KNG1: variants seen among roughly 807,000 people sequenced by gnomAD.
KNG1 encodes kininogen 1.
A neutral mutation model predicts 47.8 loss-of-function variants in KNG1; 23 were observed. The observed-to-expected ratio is 0.48, with a 90% confidence interval of 0.35 to 0.68. The LOEUF is 0.68. Ranked by LOEUF, KNG1 falls within the 30% of genes least tolerant of loss-of-function variation. The pLI is 0.01. For synonymous variants in KNG1, 277 were observed against 277.0 expected (o/e 1.00, Z 0.00); for missense variants, 762 against 790.2 (o/e 0.96, Z 0.43).
In KNG1 at chr3:186,725,130, G is replaced by A. The variant is rs771135886; in HGVS notation, c.434G>A (p.Cys145Tyr). 1 of 1,614,130 alleles carries A rather than the reference G, an allele frequency of 6.2e-7. No homozygotes were observed. Among genetic ancestry groups the A allele is most frequent in the Non-Finnish European group, 8.5e-7 (1 of 1,180,028 alleles). The change falls in exon 4 of 10, where the codon TGT becomes TAT. Residue 145 changes from cysteine to tyrosine, a missense_variant. Transcript: ENST00000644859. ...VVTAQYDCLGCVHPISTQSPD... is the reference protein window; with the variant it reads ...VVTAQYDCLGYVHPISTQSPD... ...ACAGCCCAGTACGACTGCCTCGGCTGTGTGCATCCTATATCAACGCAGAGC... is the reference window on the plus strand; with the variant it reads ...ACAGCCCAGTACGACTGCCTCGGCTATGTGCATCCTATATCAACGCAGAGC...
intron 2 of KNG1, chr3:186,721,668 A>G (rs1288293648): frequency 6.6e-6 from 1 of 152,278 alleles, no homozygotes; most frequent in Non-Finnish European, 1.5e-5. Flanking sequence ...CTGGAACTGA[A>G]TAACATTTTG....
At chr3:186,726,356 T>A (rs1348839459) in intron 4 of KNG1, among the ~76,000 whole-genome samples, 4 of 149,334 alleles carry the variant, frequency 2.7e-5, no homozygotes, top group Non-Finnish European at 5.9e-5. Flanking sequence ...AGTGGTGCCA[T>A]CTTGGTTCAC....
At chr3:186,729,440 G>A (rs925683642) in intron 5 of KNG1, among the ~76,000 whole-genome samples, 6 of 152,152 alleles carry the variant, frequency 3.9e-5, no homozygotes, top group Admixed American at 3.9e-4. Context: ...CTATCAATAG[G>A]TGAATGGATA....
intron 6 of KNG1, 100 bp from the exon 7 acceptor site, chr3:186,732,402 T>C (rs1052082035): frequency 4.5e-6 from 5 of 1,104,932 alleles, no homozygotes; most frequent in Non-Finnish European, 7.0e-6. Context: ...GGCTCCCATG[T>C]AGCCCCTTAT....
intron 7 of KNG1, among the ~76,000 whole-genome samples, chr3:186,735,019 T>C (rs2108632436): frequency 6.6e-6 from 1 of 152,352 alleles, no homozygotes; most frequent in Non-Finnish European, 1.5e-5. Context: ...CACTTGTTTC[T>C]ATCCCAGACA....
intron 7 of KNG1, chr3:186,736,744 C>G (rs1560068577): frequency 6.6e-6 from 1 of 152,204 alleles, no homozygotes; most frequent in Non-Finnish European, 1.5e-5. Flanking sequence ...ACATTCACAT[C>G]ACCTGGGTAT....
chr3:186,718,736 G>A (rs1191828067), intron 1 of KNG1, among the ~76,000 whole-genome samples: 1 of 152,084 alleles, frequency 6.6e-6, no homozygotes, highest in Non-Finnish European at 1.5e-5. Context: ...GTACTTCATG[G>A]GGCATGTCTA....
rs982860536 is a variant in KNG1 at position 186,741,411 on chromosome 3, A to G, written c.1126-111A>G. Reference sequence around the variant, plus strand: ...TAATATAGCATTTAAAATCTGGCAAACACCTCCCCCATTGTAAACTAAGAT... The same window carrying G: ...TAATATAGCATTTAAAATCTGGCAAGCACCTCCCCCATTGTAAACTAAGAT... On this transcript the variant is annotated intron_variant, in intron 9 of 9. Coordinates refer to ENST00000644859, the MANE Select transcript of KNG1 (RefSeq NM_001102416.3). 3.2e-6 allele frequency: 3 copies of G among 946,218 alleles called. No individual in the cohort carries two copies. The African/African-American group carries it at 5.0e-5, about 16-fold the overall frequency. 58.6% of individuals were successfully genotyped at this position (946,218 alleles called of 1,614,324 possible).
At chr3:186,740,159 C>T (rs894884773) in intron 9 of KNG1, among the ~76,000 whole-genome samples, 1 of 152,084 alleles carries the variant, frequency 6.6e-6, no homozygotes, top group African/African-American at 2.4e-5. Context: ...GTTTGAAAAG[C>T]ATTCGTTGAT....
At chr3:186,717,771 G>A in intron 1 of KNG1, 34 bp downstream of exon 1, 1 of 1,535,400 alleles carries the variant, frequency 6.5e-7, no homozygotes, top group Non-Finnish European at 9.0e-7. Flanking sequence ...GAAGTCACTT[G>A]GGATTTGTAC....
intron 7 of KNG1, among the ~76,000 whole-genome samples, chr3:186,733,242 C>CTAAATAAA (rs10576660): frequency 1.3e-3 from 195 of 150,402 alleles, no homozygotes; most frequent in African/African-American, 4.0e-3. Context: ...GAGACTCTGT[C>CTAAATAAA]TAAATAAATA....
intron 9 of KNG1, among the ~76,000 whole-genome samples, chr3:186,740,253 A>G (rs906345060): frequency 2.0e-5 from 3 of 152,196 alleles, no homozygotes; most frequent in Non-Finnish European, 2.9e-5. Flanking sequence ...ACTAAAAATT[A>G]GAAAGACTCT....
At chr3:186,740,708 G>A (rs1039729980) in intron 9 of KNG1, among the ~76,000 whole-genome samples, 1 of 152,168 alleles carries the variant, frequency 6.6e-6, no homozygotes, top group Non-Finnish European at 1.5e-5. Flanking sequence ...TCAAGCTTGC[G>A]AATATGTCCT....
Position 186,741,562 on chromosome 3 carries a change from G to T in KNG1, c.1166G>T (p.Arg389Leu). 1 of 1,610,134 alleles carries T rather than the reference G, an allele frequency of 6.2e-7. No homozygotes were observed. Among genetic ancestry groups the T allele is most frequent in the South Asian group, 1.1e-5 (1 of 90,484 alleles). ...MKRPPGFSPF[R>L]SSRIGEIKEE... is the part of the protein sequence containing the mutation. ...AGGCCTCCAGGTTTTTCACCTTTCCGATCATCACGAATAGGGGAAATAAAA... is the reference window on the plus strand; with the variant it reads ...AGGCCTCCAGGTTTTTCACCTTTCCTATCATCACGAATAGGGGAAATAAAA... The change falls in exon 10 of 10, where the codon CGA becomes CTA. Residue 389 changes from arginine to leucine, a missense_variant. Arg to Leu is a moderately radical substitution (Grantham distance 102). Transcript: ENST00000644859.
intron 1 of KNG1, 48 bp from the exon 2 acceptor site, chr3:186,720,057 C>A: frequency 8.4e-7 from 1 of 1,185,978 alleles, no homozygotes. Flanking sequence ...GAATTATTTG[C>A]TGTTGGGTCA....
intron 9 of KNG1, among the ~76,000 whole-genome samples, chr3:186,739,902 A>G (rs1720764165): frequency 6.6e-6 from 1 of 152,066 alleles, no homozygotes. Flanking sequence ...AAATACAACA[A>G]TTAGCTGGGT....
chr3:186,740,710 AT>A lies in KNG1; in HGVS notation c.1126-811del, dbSNP rs1290597477. ...CTCAGGTTGCATTTCAAGCTTGCGA[AT>A]ATGTCCTAATGTGCTTCAGCACAAC... On this transcript the variant is annotated intron_variant, in intron 9 of 9. Transcript: ENST00000644859. Among the ~76,000 whole-genome samples the A allele has an allele frequency of 1.5e-4, 23 of 152,340 alleles. No individual in the cohort carries two copies. In the East Asian group the frequency reaches 1.5e-3, roughly 10 times the overall value.
chr3:186,720,540 G>A, intron 2 of KNG1: 4 of 341,078 alleles, frequency 1.2e-5, no homozygotes, highest in Non-Finnish European at 2.3e-5. Context: ...GAGGGGGTGG[G>A]TGCTTCCATT....
chr3:186,743,575 T>C lies in KNG1; in HGVS notation c.*1244T>C, dbSNP rs533256255. 1.3e-5 allele frequency: 9 copies of C among 705,062 alleles called. No homozygotes were observed. The highest frequency in any genetic ancestry group is 5.4e-5 in the East Asian group (2 of 36,814). The allele number at this position is 705,062 out of a possible 1,614,324, so 43.7% of individuals were successfully genotyped here. On this transcript the variant is annotated 3_prime_UTR_variant, in exon 10 of 10. Coordinates refer to ENST00000644859, the MANE Select transcript of KNG1 (RefSeq NM_001102416.3). ...CTCTGAGTTTGTCTTTCATTTTAAA[T>C]ATTGTCTGTTCTTTTAAATAAACAA...
Sources: allele counts gnomAD v4.1 joint callset (sites outside exome capture counted in the v4.1 genomes callset), GRCh38; gene constraint gnomAD v4.1.1; transcripts MANE v1.5; gene names NCBI Gene and HGNC (gene_info 2026-07-23, HGNC 2026-07-21).